CDKAL1: variants seen among roughly 807,000 people sequenced by gnomAD.
CDKAL1 encodes CDKAL1 threonylcarbamoyladenosine tRNA methylthiotransferase, also known as threonylcarbamoyladenosine tRNA methylthiotransferase.
Under a neutral mutation model 68.2 loss-of-function variants are expected in CDKAL1, and 32 were observed. The observed-to-expected ratio is 0.47, with a 90% confidence interval of 0.35 to 0.63. CDKAL1 has a LOEUF of 0.63. Ranked by LOEUF, CDKAL1 falls within the 30% of genes least tolerant of loss-of-function variation. The pLI, the probability that CDKAL1 is intolerant of heterozygous loss-of-function variation, is 0.00. For synonymous variants in CDKAL1, 234 were observed against 244.3 expected (o/e 0.96, Z 0.39); for missense variants, 606 against 696.7 (o/e 0.87, Z 1.47).
intron 11 of CDKAL1, among the ~76,000 whole-genome samples, chr6:21,041,602 C>CTTTT (rs61519451): frequency 1.4e-5 from 2 of 138,096 alleles, no homozygotes; most frequent in Non-Finnish European, 1.6e-5. Context: ...CTCTGAAAAT[C>CTTTT]TTTTTTTTTT....
At chr6:20,929,646 C>T (rs755876107) in intron 9 of CDKAL1, among the ~76,000 whole-genome samples, 4 of 152,000 alleles carry the variant, frequency 2.6e-5, no homozygotes, top group Non-Finnish European at 5.9e-5. Context: ...TTGTAATGGG[C>T]GGGTGTATTA....
At chr6:20,891,937 C>A (rs371447397) in intron 9 of CDKAL1, among the ~76,000 whole-genome samples, 1 of 151,758 alleles carries the variant, frequency 6.6e-6, no homozygotes, top group South Asian at 2.1e-4. Context: ...GTTTTTTTCT[C>A]AACTCTACTT....
intron 6 of CDKAL1, among the ~76,000 whole-genome samples, chr6:20,749,193 A>T (rs1160531140): frequency 6.6e-6 from 1 of 152,216 alleles, no homozygotes. Flanking sequence ...AATGTTGTTA[A>T]TATTATTCTA....
At chr6:21,180,887 T>G (rs1276791417) in intron 13 of CDKAL1, among the ~76,000 whole-genome samples, 1 of 152,250 alleles carries the variant, frequency 6.6e-6, no homozygotes, top group African/African-American at 2.4e-5. Flanking sequence ...AGTCTTTTTT[T>G]TCTGCTGCTA....
chr6:20,756,870 T>C (rs1486723792), intron 6 of CDKAL1: 30 of 53,156 alleles, frequency 5.6e-4, no homozygotes, highest in African/African-American at 2.0e-3. Flanking sequence ...CTTCCTTCCT[T>C]CCTTCCTTCC....
chr6:20,889,380 G>A (rs1188757365), intron 9 of CDKAL1, among the ~76,000 whole-genome samples: 10 of 152,012 alleles, frequency 6.6e-5, no homozygotes, highest in Non-Finnish European at 8.8e-5. Context: ...GTTTAATTAG[G>A]TCCCATTTGT....
intron 4 of CDKAL1, among the ~76,000 whole-genome samples, chr6:20,565,523 T>C (rs573130782): frequency 3.8e-4 from 58 of 152,092 alleles, no homozygotes; most frequent in Non-Finnish European, 3.4e-4. Flanking sequence ...TAGAGGTTTG[T>C]TTTTATGTTC....
In CDKAL1 at chr6:20,795,565, A is replaced by G. The variant is rs1027069518; in HGVS notation, c.638+14300A>G. ...ACTTTATCAGATATTCCAAATAACC[A>G]TCTTAAAGCTTACTTTTCTAAGAAA... On this transcript the variant is annotated intron_variant, in intron 8 of 15. Coordinates refer to ENST00000274695, the MANE Select transcript of CDKAL1 (RefSeq NM_017774.3). 7.2e-5 allele frequency among the ~76,000 whole-genome samples: 11 copies of G among 152,194 alleles called. 2 individuals carry two copies. Among genetic ancestry groups the G allele is most frequent in the Admixed American group, 5.2e-4 (8 of 15,282 alleles).
intron 4 of CDKAL1, among the ~76,000 whole-genome samples, chr6:20,633,298 CT>C (rs1561983023): frequency 6.6e-6 from 1 of 152,182 alleles, no homozygotes; most frequent in East Asian, 1.9e-4. Context: ...AACCTATGTT[CT>C]TTTGTGCCTG....
intron 4 of CDKAL1, among the ~76,000 whole-genome samples, chr6:20,590,692 CTTTTTATGGCTGTAT>C (rs2127700099): frequency 6.6e-6 from 1 of 152,162 alleles, no homozygotes; most frequent in African/African-American, 2.4e-5. Flanking sequence ...TGAACTCATC[CTTTTTATGGCTGTAT>C]AGTATTCCAT....
At chr6:20,701,348 A>G (rs1356869183) in intron 5 of CDKAL1, among the ~76,000 whole-genome samples, 1 of 151,962 alleles carries the variant, frequency 6.6e-6, no homozygotes, top group Admixed American at 6.6e-5. Flanking sequence ...TTTCTTGGAA[A>G]AACCGATGAA....
At chr6:20,722,114 C>A (rs1193398950) in intron 5 of CDKAL1, among the ~76,000 whole-genome samples, 2 of 152,136 alleles carry the variant, frequency 1.3e-5, no homozygotes, top group Non-Finnish European at 2.9e-5. Flanking sequence ...ACTCTGGAAG[C>A]CAACTCCTGT....
At chr6:21,109,354 T>G (rs188303195) in intron 13 of CDKAL1, among the ~76,000 whole-genome samples, 1 of 152,350 alleles carries the variant, frequency 6.6e-6, no homozygotes, top group East Asian at 1.9e-4. Context: ...AGGGATTTTT[T>G]AACTAGCCAA....
chr6:21,174,734 CTATA>C (rs35969558), intron 13 of CDKAL1, among the ~76,000 whole-genome samples: 10 of 150,152 alleles, frequency 6.7e-5, no homozygotes, highest in Admixed American at 2.0e-4. Context: ...GGCAATTTAA[CTATA>C]TATATATATA....
chr6:20,738,139 G>C (rs1409380838), intron 5 of CDKAL1, among the ~76,000 whole-genome samples: 1 of 152,164 alleles, frequency 6.6e-6, no homozygotes, highest in African/African-American at 2.4e-5. Flanking sequence ...TGTAGTGGTG[G>C]GAGGAGGGAC....
At chr6:20,843,322 C>G (rs1778249029) in intron 8 of CDKAL1, among the ~76,000 whole-genome samples, 2 of 151,556 alleles carry the variant, frequency 1.3e-5, no homozygotes, top group Non-Finnish European at 2.9e-5. Flanking sequence ...TTTTTCTTCC[C>G]CTGCCCTTTC....
At chr6:20,984,012 A>G (rs547702393) in intron 10 of CDKAL1, among the ~76,000 whole-genome samples, 1 of 152,324 alleles carries the variant, frequency 6.6e-6, no homozygotes, top group East Asian at 1.9e-4. Context: ...CATTGCCACC[A>G]TTGTGCTGTG....
intron 4 of CDKAL1, among the ~76,000 whole-genome samples, chr6:20,648,197 C>T (rs1187048953): frequency 1.3e-5 from 2 of 148,164 alleles, no homozygotes; most frequent in African/African-American, 2.5e-5. Flanking sequence ...ATAATGATCT[C>T]GGCTCACTGC....
At chr6:21,173,641 A>G (rs547138047) in intron 13 of CDKAL1, among the ~76,000 whole-genome samples, 2 of 152,350 alleles carry the variant, frequency 1.3e-5, no homozygotes, top group African/African-American at 4.8e-5. Flanking sequence ...TATAACTGAA[A>G]GTTTCCTTTC....
Sources: gnomAD v4.1 joint callset for allele counts (sites outside exome capture counted in the v4.1 genomes callset) on GRCh38, gnomAD v4.1.1 for gene constraint, MANE v1.5 for transcripts, NCBI Gene and HGNC (gene_info 2026-07-23, HGNC 2026-07-21) for gene names.